Variants in NSD3 observed in about 807,000 individuals in gnomAD.
NSD3 encodes nuclear receptor binding SET domain protein 3.
In NSD3, 24 loss-of-function variants were observed where a neutral mutation model predicts 160.8. The observed-to-expected ratio is 0.15, with a 90% confidence interval of 0.11 to 0.21. The LOEUF (loss-of-function observed/expected upper bound fraction) is 0.21. Among genes scored for constraint, NSD3 ranks in the 10% least tolerant of loss-of-function variants. The pLI, the probability that NSD3 is intolerant of heterozygous loss-of-function variation, is 1.00. For synonymous variants in NSD3, 520 were observed against 600.0 expected (o/e 0.87, Z 1.95); for missense variants, 1,157 against 1,735.9 (o/e 0.67, Z 5.93).
chr8:38,326,785 T>C lies in NSD3; in HGVS notation c.1653A>G (p.Arg551=). ...DRLIISTPNQ[R]NEKPTQSVSS... ...ATACACTCTGCGTTGGCTTTTCATT[T>C]CTCTGGTTTGGTGTAGAAATTATAA... is the stretch of plus-strand genomic sequence containing the variant. Residue 551 remains arginine (R), a synonymous_variant, in exon 7 of 24, where the codon AGA becomes AGG. Transcript: ENST00000317025. The C allele has an allele frequency of 1.2e-6, 2 of 1,614,068 alleles. No individual in the cohort carries two copies. The highest frequency in any genetic ancestry group is 1.7e-6 in the Non-Finnish European group (2 of 1,180,002).
At chr8:38,278,515 T>A (rs1808665271) in intron 21 of NSD3, 103 bp from the exon 22 acceptor site, 1 of 995,524 alleles carries the variant, frequency 1.0e-6, no homozygotes, top group African/African-American at 1.6e-5. Context: ...CATTTTGGCA[T>A]GAAGGCGTTT....
At chr8:38,351,394 G>A (rs1271943693) in intron 1 of NSD3, among the ~76,000 whole-genome samples, 2 of 150,768 alleles carry the variant, frequency 1.3e-5, no homozygotes, top group East Asian at 2.0e-4. Context: ...GCCGGGCGCC[G>A]TGGCTCACAT....
chr8:38,297,139 T>C (rs1232111743), intron 15 of NSD3, among the ~76,000 whole-genome samples: 1 of 152,208 alleles, frequency 6.6e-6, no homozygotes, highest in African/African-American at 2.4e-5. Flanking sequence ...CACTGCTTTA[T>C]AGCATAAAAT....
chr8:38,336,504 T>C (rs945603103), intron 4 of NSD3, among the ~76,000 whole-genome samples: 7 of 152,186 alleles, frequency 4.6e-5, no homozygotes, highest in Admixed American at 6.5e-5. Flanking sequence ...GATTCAAGAA[T>C]GGAGTGTAGA....
Position 38,337,421 on chromosome 8 carries a change from C to G in NSD3, c.794G>C (p.Gly265Ala), listed in dbSNP as rs763041604. 5 of 1,611,616 alleles carry G rather than the reference C, an allele frequency of 3.1e-6. No individual in the cohort carries two copies. The highest frequency in any genetic ancestry group is 4.2e-6 in the Non-Finnish European group (5 of 1,179,128). Reference sequence around the variant, plus strand: ...AAGATCGCCAACCTGAAACTTAACACCAGTGGACACTTCCGTTGTTGGAAC... The same window carrying G: ...AAGATCGCCAACCTGAAACTTAACAGCAGTGGACACTTCCGTTGTTGGAAC... ...SSVPTTEVST[G>A]VKFQVGDLVW... Residue 265 changes from glycine (G) to alanine (A), a missense_variant, in exon 4 of 24, where the codon GGT (glycine) becomes GCT (alanine). By Grantham distance (60) the Gly-to-Ala change is moderately conservative. Coordinates refer to ENST00000317025, the MANE Select transcript of NSD3 (RefSeq NM_023034.2).
In NSD3 at chr8:38,348,231, A is replaced by C; in HGVS notation, c.-44-16T>G. 6.6e-7 allele frequency: 1 copy of C among 1,505,464 alleles called. No homozygotes were observed. The allele number at this position is 1,505,464 out of a possible 1,614,324, so 93.3% of individuals were successfully genotyped here. On this transcript the variant is annotated splice_polypyrimidine_tract_variant and intron_variant, in intron 1 of 23. Transcript: ENST00000317025. Reference sequence around the variant, plus strand: ...CTCATCGGGCCTAAAATTATAAAAGAGGGGATTAGAAGGTGTTACTATTCT... The same window carrying C: ...CTCATCGGGCCTAAAATTATAAAAGCGGGGATTAGAAGGTGTTACTATTCT...
intron 2 of NSD3, among the ~76,000 whole-genome samples, chr8:38,345,292 G>A (rs1810487828): frequency 7.6e-6 from 1 of 130,960 alleles, no homozygotes; most frequent in African/African-American, 2.8e-5. Flanking sequence ...GGGACGAGGG[G>A]GTAGGATGGA....
At chr8:38,370,748 C>T (rs1811226508) in intron 1 of NSD3, among the ~76,000 whole-genome samples, 1 of 152,056 alleles carries the variant, frequency 6.6e-6, no homozygotes, top group Non-Finnish European at 1.5e-5. Context: ...ACCCCGTCAA[C>T]ATACTAAAAG....
intron 4 of NSD3, among the ~76,000 whole-genome samples, chr8:38,334,025 T>C (rs1030687460): frequency 1.3e-5 from 2 of 152,220 alleles, no homozygotes; most frequent in African/African-American, 2.4e-5. Flanking sequence ...ATACATGCAG[T>C]ATATGTGCTA....
chr8:38,362,256 CGGGGGGGG>C (rs796989324), intron 1 of NSD3, among the ~76,000 whole-genome samples: 35 of 2,910 alleles, frequency 0.012, 13 homozygotes, highest in Admixed American at 0.038. Context: ...TACAGTAAGG[CGGGGGGGG>C]GGGGGGGGGC....
Position 38,329,682 on chromosome 8 carries a change from A to G in NSD3, c.1277T>C (p.Leu426Pro). 6.2e-7 allele frequency: 1 copy of G among 1,614,262 alleles called. No individual in the cohort carries two copies. The highest frequency in any genetic ancestry group is 1.1e-5 in the South Asian group (1 of 91,088). Residue 426 changes from leucine (L) to proline (P), a missense_variant, in exon 6 of 24, where the codon CTG (leucine) becomes CCG (proline). By Grantham distance (98) the Leu-to-Pro change is moderately conservative (BLOSUM62 -3). Transcript: ENST00000317025. This position sits in a 1 kb window ranked among gnomAD's most constrained non-coding sequence, Gnocchi z 4.8. ...VKKTRRPRSV[L>P]NTQPEQTNAG... is the part of the protein sequence containing the mutation. ...ATTGGTCTGTTCTGGCTGAGTATTC[A>G]GCACAGATCTTGGTCGTCGGGTTTT...
At chr8:38,377,105 C>T (rs1450119721) in intron 1 of NSD3, among the ~76,000 whole-genome samples, 2 of 151,816 alleles carry the variant, frequency 1.3e-5, no homozygotes, top group Non-Finnish European at 2.9e-5. Context: ...CAGACTGGAG[C>T]GCAGTGGTAC....
At position 38,275,857 on chromosome 8, in the gene NSD3, C is replaced by A. The variant is rs1209414600; in HGVS notation, c.4098G>T (p.Gln1366His). ...CAGCTGCACTGCTGCACTCATCGCA[C>A]TGATGCCACGGACACTCCCACTTTC... ...PYGKWECPWH[Q>H]CDECSSAAVS... Residue 1366 changes from glutamine to histidine, a missense_variant, in exon 24 of 24, where the codon CAG becomes CAT. By Grantham distance (24) the Gln-to-His change is conservative. Coordinates refer to ENST00000317025, the MANE Select transcript of NSD3 (RefSeq NM_023034.2). 6.2e-7 allele frequency: 1 copy of A among 1,613,990 alleles called. No individual in the cohort carries two copies. Among genetic ancestry groups the A allele is most frequent in the African/African-American group, 1.3e-5 (1 of 74,906 alleles).
intron 7 of NSD3, among the ~76,000 whole-genome samples, chr8:38,324,206 C>G (rs1244820994): frequency 1.3e-5 from 2 of 152,130 alleles, no homozygotes; most frequent in African/African-American, 4.8e-5. Context: ...ATACAAGTTG[C>G]AAATGTAGTA....
At chr8:38,372,495 CT>C (rs565709775) in intron 1 of NSD3, among the ~76,000 whole-genome samples, 1,677 of 132,678 alleles carry the variant, frequency 0.013, 7 homozygotes, top group Non-Finnish European at 0.018. Context: ...TCTTCAGGTT[CT>C]TTTTTTTTTT....
At chr8:38,323,507 GA>G (rs1478299315) in intron 7 of NSD3, among the ~76,000 whole-genome samples, 1 of 152,000 alleles carries the variant, frequency 6.6e-6, no homozygotes, top group African/African-American at 2.4e-5. Context: ...ATCTTACAAT[GA>G]AAATACTATA....
At position 38,331,598 on chromosome 8, in the gene NSD3, A is replaced by G; in HGVS notation, c.911-13T>C. The G allele has an allele frequency of 1.2e-6, 2 of 1,608,680 alleles. No homozygotes were observed. Among genetic ancestry groups the G allele is most frequent in the Non-Finnish European group, 1.7e-6 (2 of 1,178,502 alleles). ...TATTCTCGGGCACCTGTAAGTAAAA[A>G]TTCTTATTAACCATTTCAGAACATA... On this transcript the variant is annotated splice_polypyrimidine_tract_variant and intron_variant, in intron 4 of 23. Transcript: ENST00000317025.
At chr8:38,344,794 G>A (rs1362723092) in intron 2 of NSD3, among the ~76,000 whole-genome samples, 1 of 152,234 alleles carries the variant, frequency 6.6e-6, no homozygotes, top group East Asian at 1.9e-4. Context: ...GCTGTCCAGT[G>A]AAGTCAGTGG....
chr8:38,323,293 T>C (rs1046366012), intron 7 of NSD3, among the ~76,000 whole-genome samples: 2 of 152,038 alleles, frequency 1.3e-5, no homozygotes, highest in African/African-American at 4.8e-5. Flanking sequence ...CCTGACCTTG[T>C]GATCCGCCTG....
Sources: allele counts gnomAD v4.1 joint callset (sites outside exome capture counted in the v4.1 genomes callset), GRCh38; gene constraint gnomAD v4.1.1; non-coding constraint Gnocchi (gnomAD v3.1); transcripts MANE v1.5; gene names NCBI Gene and HGNC (gene_info 2026-07-23, HGNC 2026-07-21).